The following BCKDHB variants were observed in gnomAD, a reference collection of about 807,000 sequenced individuals.
The protein encoded by BCKDHB is branched chain keto acid dehydrogenase E1 subunit beta.
Under a neutral mutation model 48.5 loss-of-function variants are expected in BCKDHB, and 41 were observed. The ratio of observed to expected loss-of-function variants is 0.85; its 90% CI spans 0.66 to 1.10. The LOEUF (loss-of-function observed/expected upper bound fraction) is 1.10. Ranked by LOEUF, BCKDHB falls within the 50% of genes least tolerant of loss-of-function variation. The pLI is 0.00. For synonymous variants in BCKDHB, 201 were observed against 174.8 expected, an observed-to-expected ratio of 1.15 and a Z score of -1.18; for missense variants, 496 against 494.2, an observed-to-expected ratio of 1.00 and a Z score of -0.03.
chr6:80,306,843 C>T (rs997669312), intron 9 of BCKDHB, among the ~76,000 whole-genome samples: 1 of 152,152 alleles, frequency 6.6e-6, no homozygotes, highest in Non-Finnish European at 1.5e-5. Context: ...TTGATGCCTC[C>T]TGGAGGCTCT....
downstream of BCKDHB, among the ~76,000 whole-genome samples, chr6:80,350,351 GA>G (rs1193665235): frequency 6.7e-6 from 1 of 149,424 alleles, no homozygotes; most frequent in African/African-American, 2.4e-5. Context: ...TTCCAAATGA[GA>G]AAAAACTAAA....
chr6:80,183,091 A>C (rs1489157601), intron 6 of BCKDHB, among the ~76,000 whole-genome samples: 1 of 152,278 alleles, frequency 6.6e-6, no homozygotes. Context: ...ATGTAGAAGA[A>C]GAAAATTACG....
chr6:80,431,896 A>C, the BCKDHB span, among the ~76,000 whole-genome samples: 1 of 152,242 alleles, frequency 6.6e-6, no homozygotes, highest in African/African-American at 2.4e-5. Flanking sequence ...TGATGGTGAC[A>C]AAATCTCTCA....
the BCKDHB span, among the ~76,000 whole-genome samples, chr6:80,381,325 G>T: frequency 6.6e-6 from 1 of 152,116 alleles, no homozygotes; most frequent in East Asian, 1.9e-4. Context: ...TTCTGACCCA[G>T]AATGTGGATC....
intron 9 of BCKDHB, among the ~76,000 whole-genome samples, chr6:80,309,615 T>C (rs1458505350): frequency 1.3e-5 from 2 of 151,946 alleles, no homozygotes; most frequent in Non-Finnish European, 2.9e-5. Context: ...TTGTTTGTTT[T>C]ACTGAATAGC....
At chr6:80,429,213 T>C in the BCKDHB span, among the ~76,000 whole-genome samples, 2 of 152,192 alleles carry the variant, frequency 1.3e-5, no homozygotes, top group Non-Finnish European at 2.9e-5. Flanking sequence ...AGGCTTCTGT[T>C]CAGTTCTGTT....
intron 1 of BCKDHB, among the ~76,000 whole-genome samples, chr6:80,116,263 GC>G: frequency 6.6e-6 from 1 of 152,146 alleles, no homozygotes; most frequent in East Asian, 1.9e-4. Flanking sequence ...CCTCTCATTT[GC>G]CCCCCTCCTG....
rs1768812323 is a variant in BCKDHB, at chr6:80,322,888, TC to T, written c.1039-20775del. ...TCTCCTAATGATTCTTCTTTTTTTT[TC>T]TTTTTTCTTTTTTTTTTTTTTTTTG... is the stretch of plus-strand genomic sequence containing the variant. On this transcript the variant is annotated intron_variant, in intron 9 of 9. Coordinates refer to ENST00000320393, the MANE Select transcript of BCKDHB (RefSeq NM_183050.4). 7.6e-5 allele frequency among the ~76,000 whole-genome samples: 10 copies of T among 131,112 alleles called. No individual in the cohort carries two copies. In the South Asian group the frequency reaches 2.1e-3, roughly 27 times the overall value. 86.0% of individuals were successfully genotyped at this position (131,112 alleles called of 152,430 possible).
chr6:80,299,032 T>C (rs1767412166), intron 9 of BCKDHB, among the ~76,000 whole-genome samples: 1 of 151,282 alleles, frequency 6.6e-6, no homozygotes, highest in African/African-American at 2.4e-5. Context: ...CATCCCATAG[T>C]GCCAAACCCA....
At chr6:80,432,043 G>A in the BCKDHB span, among the ~76,000 whole-genome samples, 2 of 151,744 alleles carry the variant, frequency 1.3e-5, no homozygotes, top group African/African-American at 4.8e-5. Flanking sequence ...TGGCTTGCAG[G>A]GTTTCTGCAG....
chr6:80,352,296 G>T, the BCKDHB span, among the ~76,000 whole-genome samples: 4 of 152,054 alleles, frequency 2.6e-5, no homozygotes, highest in African/African-American at 9.7e-5. Context: ...TTATTTTGGA[G>T]GGATTTATGG....
the BCKDHB span, chr6:80,356,946 GCCCCCGC>G: frequency 6.7e-5 from 4 of 60,124 alleles, no homozygotes; most frequent in Admixed American, 3.6e-4. Context: ...CCCCGCCCCC[GCCCCCGC>G]CCCCCCCCCA....
intron 3 of BCKDHB, among the ~76,000 whole-genome samples, chr6:80,151,532 G>A (rs1771778659): frequency 6.6e-6 from 1 of 151,858 alleles, no homozygotes; most frequent in Non-Finnish European, 1.5e-5. Context: ...TCCAGTAGCA[G>A]TGAGACTCAG....
At chr6:80,317,913 G>T (rs1166085659) in intron 9 of BCKDHB, among the ~76,000 whole-genome samples, 2 of 152,076 alleles carry the variant, frequency 1.3e-5, no homozygotes, top group Non-Finnish European at 2.9e-5. Context: ...ACTGGATTTT[G>T]GCTGTCTCTC....
rs118044078 is a variant in BCKDHB at position 80,294,116 on chromosome 6, G to A, written c.1038+20895G>A. 2.3e-3 allele frequency among the ~76,000 whole-genome samples: 347 copies of A among 152,228 alleles called. 1 individual carries two copies. Among genetic ancestry groups the A allele is most frequent in the Non-Finnish European group, 3.4e-3 (229 of 68,022 alleles). On this transcript the variant is annotated intron_variant, in intron 9 of 9. Coordinates refer to ENST00000320393, the MANE Select transcript of BCKDHB (RefSeq NM_183050.4). ...AAAGTCAGTTCCACATTTTCACATA[G>A]CATCTCACTTTACTGGTGTTACAGG...
chr6:80,439,728 G>A, the BCKDHB span, among the ~76,000 whole-genome samples: 2 of 152,156 alleles, frequency 1.3e-5, no homozygotes, highest in African/African-American at 2.4e-5. Flanking sequence ...GAAATAAAAT[G>A]CACCAAATGT....
At chr6:80,178,908 C>T (rs975584030) in intron 6 of BCKDHB, among the ~76,000 whole-genome samples, 3 of 152,162 alleles carry the variant, frequency 2.0e-5, no homozygotes, top group African/African-American at 7.2e-5. Flanking sequence ...TTGCATCCCA[C>T]CTAATTATTA....
chr6:80,143,103 G>A (rs1275134577), intron 3 of BCKDHB, among the ~76,000 whole-genome samples: 1 of 152,102 alleles, frequency 6.6e-6, no homozygotes, highest in Non-Finnish European at 1.5e-5. Context: ...GGGATGCTTG[G>A]ATTCTCCCAT....
the BCKDHB span, among the ~76,000 whole-genome samples, chr6:80,407,068 AC>A: frequency 1.3e-5 from 2 of 152,154 alleles, no homozygotes; most frequent in Non-Finnish European, 2.9e-5. Context: ...TTAGCTTTCT[AC>A]ATATGGCTAG....
Sources: allele counts gnomAD v4.1 joint callset (sites outside exome capture counted in the v4.1 genomes callset), GRCh38; gene constraint gnomAD v4.1.1; transcripts MANE v1.5; gene names NCBI Gene and HGNC (gene_info 2026-07-23, HGNC 2026-07-21).